GPAM: variants seen among roughly 807,000 people sequenced by gnomAD.
GPAM encodes the protein glycerol-3-phosphate acyltransferase, mitochondrial.
A neutral mutation model predicts 105.0 loss-of-function variants in GPAM; 56 were observed. That is an observed-to-expected ratio of 0.53 (90% confidence interval 0.43 to 0.67). The LOEUF (loss-of-function observed/expected upper bound fraction) is 0.67, where lower values mean the gene tolerates loss of function less well. GPAM is among the 30% of genes least tolerant of loss of function. The probability of loss-of-function intolerance (pLI) is 0.00; values close to 1 mark genes in which losing one functional copy is unlikely to be tolerated. For synonymous variants in GPAM, 368 were observed against 354.4 expected, an observed-to-expected ratio of 1.04 and a Z score of -0.43; for missense variants, 855 against 989.8, an observed-to-expected ratio of 0.86 and a Z score of 1.83.
chr10:112,220,075 T>C (rs1007565306), upstream of GPAM, among the ~76,000 whole-genome samples: 8 of 152,130 alleles, frequency 5.3e-5, no homozygotes, highest in African/African-American at 1.9e-4. Flanking sequence ...TTAGATGTCT[T>C]TTCAGGTTTT....
chr10:112,210,709 G>T (rs547395065), intron 1 of GPAM, among the ~76,000 whole-genome samples: 2 of 152,252 alleles, frequency 1.3e-5, no homozygotes, highest in South Asian at 2.1e-4. Context: ...TCCTTTCATC[G>T]CCCTCTGCAA....
At chr10:112,225,672 G>A in the GPAM span, among the ~76,000 whole-genome samples, 16 of 152,126 alleles carry the variant, frequency 1.1e-4, no homozygotes, top group East Asian at 2.9e-3. Flanking sequence ...CATATAAAAT[G>A]TCAGCTTCCC....
rs139006005 is a variant in GPAM at position 112,172,317 on chromosome 10, G to A, written c.659C>T (p.Thr220Met). Residue 220 changes from threonine (T) to methionine (M), a missense_variant and splice_region_variant, in exon 9 of 22, where the codon ACG (threonine) becomes ATG (methionine). Coordinates refer to ENST00000348367, the MANE Select transcript of GPAM (RefSeq NM_001244949.2). ...QLEMVKAATE[T>M]NLPLLFLPVH... Reference sequence around the variant, plus strand: ...TGGTAGAAACAGAAGCGGCAAATTCGTCTAGCAAAGGGAAAAATGCCAAAT... The same window carrying A: ...TGGTAGAAACAGAAGCGGCAAATTCATCTAGCAAAGGGAAAAATGCCAAAT... 2.7e-5 allele frequency: 43 copies of A among 1,612,342 alleles called. No individual in the cohort carries two copies. Among genetic ancestry groups the A allele is most frequent in the Middle Eastern group, 3.3e-4 (2 of 6,080 alleles).
intron 9 of GPAM, among the ~76,000 whole-genome samples, chr10:112,169,614 A>G (rs1405273411): frequency 6.6e-6 from 1 of 152,180 alleles, no homozygotes; most frequent in African/African-American, 2.4e-5. Flanking sequence ...CCAAACTCAC[A>G]GCCTCCTATT....
At chr10:112,193,095 G>A (rs906963766) in intron 1 of GPAM, among the ~76,000 whole-genome samples, 1 of 152,236 alleles carries the variant, frequency 6.6e-6, no homozygotes, top group African/African-American at 2.4e-5. Flanking sequence ...CTTCCAGACA[G>A]CTTGCTAGTG....
intron 1 of GPAM, among the ~76,000 whole-genome samples, chr10:112,190,698 A>T (rs904952839): frequency 6.6e-6 from 1 of 152,142 alleles, no homozygotes; most frequent in African/African-American, 2.4e-5. Context: ...GCTGGCTGGA[A>T]ATGTCTATAA....
At chr10:112,154,512 G>A in intron 21 of GPAM, 117 bp downstream of exon 21, 1 of 776,514 alleles carries the variant, frequency 1.3e-6, no homozygotes. Flanking sequence ...TTATCATTAA[G>A]CCAGCAGAAA....
intron 1 of GPAM, among the ~76,000 whole-genome samples, chr10:112,211,619 A>C (rs1011096819): frequency 2.0e-5 from 3 of 152,144 alleles, no homozygotes; most frequent in African/African-American, 7.2e-5. Context: ...GGTCATCCCC[A>C]TTCAACTGCA....
In GPAM at chr10:112,154,633, A is replaced by C. The variant is rs1846981832; in HGVS notation, c.2366T>G (p.Ile789Ser). Reference sequence around the variant, plus strand: ...CCATAAATGGTGGACACCTACCCCAATATCCTTAAACATTTTCACAGCATT... The same window carrying C: ...CCATAAATGGTGGACACCTACCCCACTATCCTTAAACATTTTCACAGCATT... ...VKNAVKMFKD[I>S]GVFKETKQKR... Residue 789 changes from isoleucine (I) to serine (S), a missense_variant, in exon 21 of 22, where the codon ATT becomes AGT. Ile to Ser is a moderately radical substitution (Grantham distance 142, BLOSUM62 -2). Coordinates refer to ENST00000348367, the MANE Select transcript of GPAM (RefSeq NM_001244949.2). The C allele has an allele frequency of 6.3e-7, 1 of 1,598,412 alleles. No individual in the cohort carries two copies. The highest frequency in any genetic ancestry group is 8.6e-7 in the Non-Finnish European group (1 of 1,165,772).
intron 19 of GPAM, 107 bp downstream of exon 19, chr10:112,157,142 G>C: frequency 1.0e-6 from 1 of 982,040 alleles, no homozygotes; most frequent in Non-Finnish European, 1.7e-6. Flanking sequence ...GAGCTAGTTG[G>C]GGGATTCTTT....
chr10:112,160,094 T>C, intron 16 of GPAM, 41 bp from the exon 17 acceptor site: 1 of 1,606,722 alleles, frequency 6.2e-7, no homozygotes, highest in Non-Finnish European at 8.5e-7. Flanking sequence ...CAGCTCAAAG[T>C]CTCCAAGAAA....
At chr10:112,204,131 CTGCTAA>C (rs1847832380) in intron 1 of GPAM, among the ~76,000 whole-genome samples, 1 of 152,180 alleles carries the variant, frequency 6.6e-6, no homozygotes, top group African/African-American at 2.4e-5. Context: ...GAGGAGCATG[CTGCTAA>C]TGCACATGGT....
Position 112,168,454 on chromosome 10 carries a change from C to T in GPAM, c.965G>A (p.Gly322Glu). 1 of 1,612,710 alleles carries T rather than the reference C, an allele frequency of 6.2e-7. No individual in the cohort carries two copies. The highest frequency in any genetic ancestry group is 8.5e-7 in the Non-Finnish European group (1 of 1,178,700). Residue 322 changes from glycine (G) to glutamate (E), a missense_variant, in exon 11 of 22, where the codon GGA becomes GAA. Physicochemically the swap from Gly to Glu is moderately conservative, Grantham distance 98. Coordinates refer to ENST00000348367, the MANE Select transcript of GPAM (RefSeq NM_001244949.2). ...IFLEGTRSRS[G>E]KTSCARAGLL... ...TCCTGCCCGAGCACAAGAGGTTTTT[C>T]CACTCCTAGAACGTGTGCCTTCCAG...
chr10:112,210,129 G>T (rs1031616871), intron 1 of GPAM, among the ~76,000 whole-genome samples: 2 of 152,244 alleles, frequency 1.3e-5, no homozygotes, highest in African/African-American at 4.8e-5. Context: ...CACGTGGTGG[G>T]AATAGCAAGG....
At chr10:112,207,426 C>T (rs983773370) in intron 1 of GPAM, among the ~76,000 whole-genome samples, 8 of 152,144 alleles carry the variant, frequency 5.3e-5, no homozygotes, top group Admixed American at 1.3e-4. Context: ...AATGTTCTTG[C>T]CCCTGCATAA....
At chr10:112,173,187 T>C in intron 7 of GPAM, 121 bp from the exon 8 acceptor site, 1 of 713,658 alleles carries the variant, frequency 1.4e-6, no homozygotes, top group Non-Finnish European at 2.6e-6. Context: ...AAAGTACTTG[T>C]AAATGACTTA....
intron 4 of GPAM, among the ~76,000 whole-genome samples, chr10:112,179,727 C>T (rs976633429): frequency 2.6e-5 from 4 of 152,148 alleles, no homozygotes; most frequent in East Asian, 1.9e-4. Flanking sequence ...GGCACTTAAA[C>T]GGCAGAATTT....
Position 112,181,829 on chromosome 10 carries a change from A to T in GPAM, c.-29-16T>A, listed in dbSNP as rs763198459. The T allele has an allele frequency of 2.8e-6, 3 of 1,061,490 alleles. No homozygotes were observed. The highest frequency in any genetic ancestry group is 4.4e-6 in the Non-Finnish European group (3 of 677,000). The allele number at this position is 1,061,490 out of a possible 1,614,324, so 65.8% of individuals were successfully genotyped here. On this transcript the variant is annotated splice_polypyrimidine_tract_variant and intron_variant, in intron 2 of 21. Transcript: ENST00000348367. ...AAATCATGTGCTATAAAAAATAGGT[A>T]CCATTTAAATTAACAAGGAATCGAG...
intron 1 of GPAM, among the ~76,000 whole-genome samples, chr10:112,200,772 C>G (rs1224395027): frequency 6.6e-6 from 1 of 152,110 alleles, no homozygotes; most frequent in African/African-American, 2.4e-5. Flanking sequence ...AAATGAGCCA[C>G]AAGTATGCAA....
Sources: gnomAD v4.1 joint callset for allele counts (sites outside exome capture counted in the v4.1 genomes callset) on GRCh38, gnomAD v4.1.1 for gene constraint, MANE v1.5 for transcripts, NCBI Gene and HGNC (gene_info 2026-07-23, HGNC 2026-07-21) for gene names.